Variants in RBM33 observed in about 807,000 individuals in gnomAD.
RBM33 encodes RNA binding motif protein 33, also known as RNA-binding protein 33.
Under a neutral mutation model 132.6 loss-of-function variants are expected in RBM33, and 28 were observed. The ratio of observed to expected loss-of-function variants is 0.21; its 90% CI spans 0.16 to 0.29. The LOEUF is 0.29. Ranked by LOEUF, RBM33 falls within the 10% of genes least tolerant of loss-of-function variation. The probability of loss-of-function intolerance (pLI) is 1.00; values close to 1 mark genes in which losing one functional copy is unlikely to be tolerated. For missense variants in RBM33, 1,291 were observed against 1,518.5 expected (o/e 0.85, Z 2.49); for synonymous variants, 634 against 593.0 (o/e 1.07, Z -1.01).
At chr7:155,675,075 G>A (rs1799139098) in intron 3 of RBM33, among the ~76,000 whole-genome samples, 1 of 152,092 alleles carries the variant, frequency 6.6e-6, no homozygotes, top group Admixed American at 6.5e-5. Flanking sequence ...GGGAAGCTGA[G>A]GCAGGTGGAC....
At chr7:155,696,968 C>CT (rs1400203452) in intron 5 of RBM33, among the ~76,000 whole-genome samples, 8 of 152,214 alleles carry the variant, frequency 5.3e-5, no homozygotes, top group Non-Finnish European at 8.8e-5. Context: ...GGAAAGAACA[C>CT]TATGGAACCC....
chr7:155,703,132 C>T (rs1563151485), intron 6 of RBM33, among the ~76,000 whole-genome samples: 1 of 152,210 alleles, frequency 6.6e-6, no homozygotes, highest in Non-Finnish European at 1.5e-5. Context: ...CAGTGATGGC[C>T]AGCTTGCATG....
At chr7:155,677,518 C>T (rs561694646) in intron 3 of RBM33, among the ~76,000 whole-genome samples, 2 of 152,286 alleles carry the variant, frequency 1.3e-5, no homozygotes, top group South Asian at 4.1e-4. Flanking sequence ...CCAGAAACTT[C>T]ATTTTCTGTC....
intron 14 of RBM33, among the ~76,000 whole-genome samples, chr7:155,763,233 T>G (rs1414256733): frequency 6.6e-6 from 1 of 152,238 alleles, no homozygotes; most frequent in African/African-American, 2.4e-5. Flanking sequence ...AGCCAGTATT[T>G]TGTGATGCTC....
intron 9 of RBM33, among the ~76,000 whole-genome samples, chr7:155,735,281 G>A (rs2117019516): frequency 6.6e-6 from 1 of 152,294 alleles, no homozygotes; most frequent in Non-Finnish European, 1.5e-5. Flanking sequence ...AAAAAACTTT[G>A]GCAGTGGGAG....
At chr7:155,738,463 C>G in intron 11 of RBM33, 60 bp downstream of exon 11, 1 of 1,441,694 alleles carries the variant, frequency 6.9e-7, no homozygotes, top group Non-Finnish European at 9.4e-7. Context: ...CTTTGTGTTC[C>G]ATAAAGTTTC....
At chr7:155,681,081 G>A (rs567899088) in intron 5 of RBM33, among the ~76,000 whole-genome samples, 173 bp downstream of exon 5, 17 of 152,326 alleles carry the variant, frequency 1.1e-4, no homozygotes, top group African/African-American at 3.8e-4. Flanking sequence ...TTGACAGCTT[G>A]TTTGACCAGA....
chr7:155,712,004 G>A (rs1444646481), intron 8 of RBM33, among the ~76,000 whole-genome samples: 1 of 152,234 alleles, frequency 6.6e-6, no homozygotes, highest in African/African-American at 2.4e-5. Context: ...GATGGGTCAA[G>A]TATATTTCTT....
intron 9 of RBM33, among the ~76,000 whole-genome samples, chr7:155,731,679 T>C (rs764897257): frequency 4.6e-5 from 7 of 152,206 alleles, no homozygotes; most frequent in Non-Finnish European, 8.8e-5. Context: ...GTAAAACTTA[T>C]GAATTGTTTA....
In RBM33 at chr7:155,742,075, A is replaced by T; in HGVS notation, c.2306A>T (p.Gln769Leu). Residue 769 changes from glutamine (Q) to leucine (L), a missense_variant, in exon 13 of 18, where the codon CAA becomes CTA. Physicochemically the swap from Gln to Leu is moderately radical, Grantham distance 113. Transcript: ENST00000401878. Reference protein sequence around the residue: ...VKVKPASPVAQPKEEAKTETE... With the variant: ...VKVKPASPVALPKEEAKTETE... Reference sequence around the variant, plus strand: ...GTCAAGCCAGCTAGCCCTGTGGCTCAACCTAAAGAAGAGGCAAAAACAGAA... The same window carrying T: ...GTCAAGCCAGCTAGCCCTGTGGCTCTACCTAAAGAAGAGGCAAAAACAGAA... 6.2e-7 allele frequency: 1 copy of T among 1,613,718 alleles called. No individual in the cohort carries two copies. Among genetic ancestry groups the T allele is most frequent in the Non-Finnish European group, 8.5e-7 (1 of 1,179,678 alleles).
chr7:155,645,751 A>G (rs1798168541), intron 1 of RBM33, among the ~76,000 whole-genome samples: 2 of 152,220 alleles, frequency 1.3e-5, no homozygotes, highest in Admixed American at 6.5e-5. Context: ...TAAAATATGG[A>G]TAACAAAAGC....
At position 155,739,827 on chromosome 7, in the gene RBM33, C is replaced by T. The variant is rs747860619; in HGVS notation, c.1850C>T (p.Pro617Leu). Residue 617 changes from proline to leucine, a missense_variant, in exon 12 of 18, where the codon CCC becomes CTC. Pro to Leu is a moderately conservative substitution (Grantham distance 98). This residue lies in a region of RBM33 where 841 missense variants were observed against 912.0 expected (regional missense o/e 0.92). Transcript: ENST00000401878. ...PPHQPPHQPP[P>L]QHQPPPQHPP... ...CACCAGCCCCCGCACCAGCCCCCGC[C>T]CCAGCACCAGCCCCCACCCCAGCAC... The T allele has an allele frequency of 7.6e-7, 1 of 1,310,370 alleles. No individual in the cohort carries two copies. Among genetic ancestry groups the T allele is most frequent in the Admixed American group, 2.0e-5 (1 of 49,260 alleles). 81.2% of individuals were successfully genotyped at this position (1,310,370 alleles called of 1,614,324 possible). A position where few individuals can be genotyped will look rare whatever the true frequency, so the allele number is the denominator to read the frequency against.
intron 1 of RBM33, among the ~76,000 whole-genome samples, chr7:155,658,302 A>C (rs1232696284): frequency 6.6e-6 from 1 of 151,898 alleles, no homozygotes; most frequent in Non-Finnish European, 1.5e-5. Flanking sequence ...TTTGCGTGAA[A>C]TATCTTTTTC....
chr7:155,685,686 A>G (rs1338068029), intron 5 of RBM33, among the ~76,000 whole-genome samples: 1 of 152,198 alleles, frequency 6.6e-6, no homozygotes, highest in Non-Finnish European at 1.5e-5. Context: ...GTACTGAGAA[A>G]GGTGGGGTGA....
At position 155,780,255 on chromosome 7, in the gene RBM33, G is replaced by A. The variant is rs1007709200; in HGVS notation, c.*5214G>A. The A allele has an allele frequency of 6.6e-6, 1 of 152,164 alleles. No homozygotes were observed. The highest frequency in any genetic ancestry group is 2.4e-5 in the African/African-American group (1 of 41,428). The allele number at this position is 152,164 out of a possible 1,614,324, so 9.4% of individuals were successfully genotyped here. A position where few individuals can be genotyped will look rare whatever the true frequency, so the allele number is the denominator to read the frequency against. On this transcript the variant is annotated 3_prime_UTR_variant, in exon 18 of 18. Transcript: ENST00000401878. ...TCAATAACGCGCGCACAGCACACAGGGGTGCCCTGAGCCGAAGGAGCAAAA... is the reference window on the plus strand; with the variant it reads ...TCAATAACGCGCGCACAGCACACAGAGGTGCCCTGAGCCGAAGGAGCAAAA...
intron 14 of RBM33, among the ~76,000 whole-genome samples, chr7:155,759,711 A>C (rs973606813): frequency 6.6e-6 from 1 of 152,208 alleles, no homozygotes; most frequent in Non-Finnish European, 1.5e-5. Flanking sequence ...AAATTACTAC[A>C]GTGTTATGTG....
At chr7:155,761,352 T>A (rs1018641283) in intron 14 of RBM33, among the ~76,000 whole-genome samples, 5 of 152,254 alleles carry the variant, frequency 3.3e-5, no homozygotes, top group Admixed American at 6.5e-5. Context: ...TTCTGCCTTT[T>A]CTGTTTTCTG....
chr7:155,683,316 A>G (rs1386042310), intron 5 of RBM33, among the ~76,000 whole-genome samples: 1 of 152,222 alleles, frequency 6.6e-6, no homozygotes, highest in African/African-American at 2.4e-5. Flanking sequence ...TGAAGCCCAG[A>G]TGATTTATTC....
intron 7 of RBM33, among the ~76,000 whole-genome samples, chr7:155,709,774 T>C (rs1386451607): frequency 6.6e-6 from 1 of 152,166 alleles, no homozygotes; most frequent in African/African-American, 2.4e-5. Flanking sequence ...ACAGATGTGA[T>C]GAGTTAAGGA....
Sources: allele counts gnomAD v4.1 joint callset (sites outside exome capture counted in the v4.1 genomes callset), GRCh38; gene constraint gnomAD v4.1.1; regional missense constraint gnomAD v4.1.1; transcripts MANE v1.5; gene names NCBI Gene and HGNC (gene_info 2026-07-23, HGNC 2026-07-21).